The following PDXP variants were observed in gnomAD, a reference collection of about 807,000 sequenced individuals.
PDXP encodes chronophin.
PDXP carries 15 observed loss-of-function variants against 14.4 expected under a neutral mutation model. That is an observed-to-expected ratio of 1.04 (90% CI 0.70 to 1.60). The LOEUF is 1.60. PDXP is among the 40% of genes most tolerant of loss of function. The probability of loss-of-function intolerance (pLI) is 0.00; values close to 1 mark genes in which losing one functional copy is unlikely to be tolerated. For missense variants in PDXP, 413 were observed against 427.6 expected, an observed-to-expected ratio of 0.97 and a Z score of 0.30; for synonymous variants, 233 against 205.6, an observed-to-expected ratio of 1.13 and a Z score of -1.14.
intron 1 of PDXP, among the ~76,000 whole-genome samples, chr22:37,659,822 C>T (rs1933166831): frequency 6.6e-6 from 1 of 152,184 alleles, no homozygotes; most frequent in Non-Finnish European, 1.5e-5. Context: ...GCATCTCTGC[C>T]TGGGTGAGAA....
chr22:37,662,101 G>A (rs9610827), intron 1 of PDXP, among the ~76,000 whole-genome samples: 53 of 151,438 alleles, frequency 3.5e-4, no homozygotes, highest in African/African-American at 1.0e-3. Context: ...ACCACCACAC[G>A]CAGCTAATTT....
chr22:37,661,924 T>TA (rs1157244012), intron 1 of PDXP, among the ~76,000 whole-genome samples: 43 of 13,410 alleles, frequency 3.2e-3, no homozygotes, highest in Middle Eastern at 0.028. Flanking sequence ...TTAATTTTTT[T>TA]TTTTTTTTTT....
At chr22:37,663,474 G>A (rs1194916108) in intron 1 of PDXP, among the ~76,000 whole-genome samples, 1 of 151,892 alleles carries the variant, frequency 6.6e-6, no homozygotes, top group Non-Finnish European at 1.5e-5. Flanking sequence ...GAGTAGCTGG[G>A]ACTGCAGGTA....
At chr22:37,664,709 C>T (rs1921007411) in intron 1 of PDXP, among the ~76,000 whole-genome samples, 1 of 152,218 alleles carries the variant, frequency 6.6e-6, no homozygotes, top group Admixed American at 6.5e-5. Flanking sequence ...CACAAAGACA[C>T]GTCTGTGGGA....
chr22:37,663,246 G>T (rs528363095), intron 1 of PDXP, among the ~76,000 whole-genome samples: 77 of 150,764 alleles, frequency 5.1e-4, no homozygotes, highest in African/African-American at 1.4e-3. Context: ...GGAGCTTGCA[G>T]TGAGCCGAGA....
chr22:37,666,266 T>G lies in PDXP; in HGVS notation c.*395T>G. On this transcript the variant is annotated 3_prime_UTR_variant, in exon 2 of 2. Coordinates refer to ENST00000215904, the MANE Select transcript of PDXP (RefSeq NM_020315.5). ...CCCTCAGGTCCTGGCCCTTGGGTCC[T>G]TGTCAACCAGAGGTCTAGGGAACCA... 1 of 276,284 alleles carries G rather than the reference T, an allele frequency of 3.6e-6. No homozygotes were observed. Among genetic ancestry groups the G allele is most frequent in the South Asian group, 5.5e-5 (1 of 18,130 alleles). The allele number at this position is 276,284 out of a possible 1,614,324, so 17.1% of individuals were successfully genotyped here.
intron 1 of PDXP, among the ~76,000 whole-genome samples, chr22:37,662,103 A>G (rs1933219334): frequency 6.6e-6 from 1 of 151,548 alleles, no homozygotes; most frequent in African/African-American, 2.4e-5. Context: ...CACCACACGC[A>G]GCTAATTTTT....
intron 1 of PDXP, among the ~76,000 whole-genome samples, 163 bp from the exon 2 acceptor site, chr22:37,665,392 G>A (rs1054589970): frequency 3.3e-5 from 5 of 152,040 alleles, no homozygotes; most frequent in Admixed American, 2.0e-4. Flanking sequence ...TCTGGTTGCC[G>A]TCTCTACCCT....
intron 1 of PDXP, among the ~76,000 whole-genome samples, chr22:37,663,303 C>CA (rs556575793): frequency 0.51 from 55,889 of 110,500 alleles, 12,488 homozygotes; most frequent in African/African-American, 0.59. Context: ...GACTCCGTCT[C>CA]AAAAAAAAAA....
At chr22:37,662,803 CATGAG>C (rs759243519) in intron 1 of PDXP, among the ~76,000 whole-genome samples, 5 of 151,770 alleles carry the variant, frequency 3.3e-5, no homozygotes, top group Non-Finnish European at 7.4e-5. Context: ...CCCTGGCCAA[CATGAG>C]GAAACCCTGT....
Position 37,659,519 on chromosome 22 carries a change from C to T in PDXP, c.574+163C>T, listed in dbSNP as rs547649475. On this transcript the variant is annotated intron_variant, in intron 1 of 1. Coordinates refer to ENST00000215904, the MANE Select transcript of PDXP (RefSeq NM_020315.5). ...CTTTGGTGTGGGGGGCGGTTGATCCCTGTAGCCGTCATCCTGTGAGGCGCA... is the reference window on the plus strand; with the variant it reads ...CTTTGGTGTGGGGGGCGGTTGATCCTTGTAGCCGTCATCCTGTGAGGCGCA... 2.0e-5 allele frequency among the ~76,000 whole-genome samples: 3 copies of T among 152,292 alleles called. No individual in the cohort carries two copies. The East Asian group carries it at 5.8e-4, about 29-fold the overall frequency.
At chr22:37,663,919 CTTTTTTTTTTTTTT>C (rs11335821) in intron 1 of PDXP, among the ~76,000 whole-genome samples, 3 of 98,310 alleles carry the variant, frequency 3.1e-5, no homozygotes, top group Admixed American at 1.0e-4. Context: ...AATACGTTGA[CTTTTTTTTTTTTTT>C]TTTTTTTTTT....
intron 1 of PDXP, among the ~76,000 whole-genome samples, chr22:37,661,330 CAG>C (rs1491466704): frequency 6.8e-6 from 1 of 146,776 alleles, no homozygotes; most frequent in Non-Finnish European, 1.5e-5. Flanking sequence ...AGCTTTCAAA[CAG>C]TGTGGTGTGG....
intron 1 of PDXP, among the ~76,000 whole-genome samples, chr22:37,660,469 G>A (rs1474455135): frequency 1.3e-5 from 2 of 152,208 alleles, no homozygotes; most frequent in Non-Finnish European, 2.9e-5. Flanking sequence ...TTGTGACACC[G>A]ACCTCCAGGG....
At chr22:37,662,720 G>A (rs1387321478) in intron 1 of PDXP, among the ~76,000 whole-genome samples, 3 of 152,208 alleles carry the variant, frequency 2.0e-5, no homozygotes, top group African/African-American at 7.2e-5. Flanking sequence ...GGGCACAGTG[G>A]CGCATGCCTG....
intron 1 of PDXP, among the ~76,000 whole-genome samples, chr22:37,662,450 A>G (rs1933224011): frequency 6.6e-6 from 1 of 152,198 alleles, no homozygotes. Context: ...AGGGAAAGCC[A>G]TGATTATACC....
At chr22:37,660,196 A>G (rs529242622) in intron 1 of PDXP, among the ~76,000 whole-genome samples, 76 of 152,280 alleles carry the variant, frequency 5.0e-4, no homozygotes, top group African/African-American at 1.8e-3. Flanking sequence ...CCTTATCTCT[A>G]AAAGAAGAGG....
At chr22:37,663,189 A>G (rs1601596535) in intron 1 of PDXP, among the ~76,000 whole-genome samples, 2 of 150,968 alleles carry the variant, frequency 1.3e-5, no homozygotes, top group South Asian at 4.2e-4. Context: ...CTGTAGTCCC[A>G]GCTACTCGGG....
intron 1 of PDXP, among the ~76,000 whole-genome samples, chr22:37,664,117 G>A (rs892335156): frequency 2.0e-5 from 3 of 151,668 alleles, no homozygotes; most frequent in African/African-American, 7.3e-5. Flanking sequence ...TTTTAGTAGA[G>A]ACGGATTTTT....
Sources: gnomAD v4.1 joint callset for allele counts (sites outside exome capture counted in the v4.1 genomes callset) on GRCh38, gnomAD v4.1.1 for gene constraint, MANE v1.5 for transcripts, NCBI Gene and HGNC (gene_info 2026-07-23, HGNC 2026-07-21) for gene names.